ZYG11A: variants seen among roughly 807,000 people sequenced by gnomAD.
ZYG11A encodes zyg-11 family member A, cell cycle regulator.
ZYG11A carries 62 observed loss-of-function variants against 77.2 expected under a neutral mutation model. The observed-to-expected ratio is 0.80, with a 90% confidence interval of 0.65 to 0.99. The LOEUF (loss-of-function observed/expected upper bound fraction) is 0.99, where lower values mean the gene tolerates loss of function less well. Among genes scored for constraint, ZYG11A ranks in the 50% least tolerant of loss-of-function variants. ZYG11A has a pLI of 0.00. For missense variants in ZYG11A, 828 were observed against 896.8 expected, an observed-to-expected ratio of 0.92 and a Z score of 0.98; for synonymous variants, 315 against 324.6, an observed-to-expected ratio of 0.97 and a Z score of 0.32.
Position 52,877,714 on chromosome 1 carries a change from T to C in ZYG11A, c.1575T>C (p.Thr525=). 2.6e-6 allele frequency: 4 copies of C among 1,551,882 alleles called. No homozygotes were observed. The highest frequency in any genetic ancestry group is 3.5e-6 in the Non-Finnish European group (4 of 1,146,984). The change falls in exon 9 of 14, where the codon ACT becomes ACC. Residue 525 remains threonine, a synonymous_variant. Transcript: ENST00000371528. ...TAGCAATAGTAAAACAAAAGACTAC[T>C]GAGAATTTAGATGATGTCACCTTCT... The part of the protein sequence containing the change: ...ELLAIVKQKT[T]ENLDDVTFLF...
rs1645838702 is a variant in ZYG11A, at chr1:52,857,594, C to T, written c.853C>T (p.Pro285Ser). Residue 285 changes from proline (P) to serine (S), a missense_variant, in exon 3 of 14, where the codon CCC (proline) becomes TCC (serine). Pro to Ser is a moderately conservative substitution (Grantham distance 74). Transcript: ENST00000371528. ...TTTGCTACAGCAGAAGGATATCCTG[C>T]CCAATGTTGTGTCATTGGATATTTC... ...FHLLQQKDIL[P>S]NVVSLDISGG... 1 of 1,551,942 alleles carries T rather than the reference C, an allele frequency of 6.4e-7. No individual in the cohort carries two copies. The highest frequency in any genetic ancestry group is 8.7e-7 in the Non-Finnish European group (1 of 1,147,036).
chr1:52,875,642 T>A (rs1646247518), intron 8 of ZYG11A, among the ~76,000 whole-genome samples: 1 of 141,088 alleles, frequency 7.1e-6, no homozygotes, highest in African/African-American at 2.7e-5. Flanking sequence ...TGAAATCAAA[T>A]GAGGGGAGTG....
chr1:52,869,577 A>G (rs1026609595), intron 8 of ZYG11A, among the ~76,000 whole-genome samples: 2 of 151,910 alleles, frequency 1.3e-5, no homozygotes, highest in Admixed American at 1.3e-4. Context: ...TCATAGATCA[A>G]CAGGATCCCA....
chr1:52,854,376 T>C, intron 1 of ZYG11A, 89 bp from the exon 2 acceptor site: 1 of 1,204,604 alleles, frequency 8.3e-7, no homozygotes, highest in Non-Finnish European at 1.1e-6. Flanking sequence ...GATACTCTCA[T>C]CAAGTGGAAT....
At chr1:52,863,227 A>G (rs1645962932) in intron 4 of ZYG11A, among the ~76,000 whole-genome samples, 1 of 152,240 alleles carries the variant, frequency 6.6e-6, no homozygotes, top group Admixed American at 6.5e-5. Flanking sequence ...ATGACAGAGC[A>G]GGTGGGGTCT....
At chr1:52,851,751 T>A (rs1645716181) in intron 1 of ZYG11A, among the ~76,000 whole-genome samples, 1 of 151,472 alleles carries the variant, frequency 6.6e-6, no homozygotes, top group Non-Finnish European at 1.5e-5. Context: ...TTATCTTACT[T>A]ATTTTTTATT....
chr1:52,890,385 C>T (rs767250025), intron 13 of ZYG11A, among the ~76,000 whole-genome samples: 5 of 149,872 alleles, frequency 3.3e-5, no homozygotes, highest in African/African-American at 5.0e-5. Context: ...TAGGCATGCA[C>T]CACCATACCT....
chr1:52,865,933 G>GTTTT (rs35299513), intron 5 of ZYG11A, among the ~76,000 whole-genome samples: 10 of 96,764 alleles, frequency 1.0e-4, no homozygotes, highest in East Asian at 2.4e-4. Flanking sequence ...TGTAAAGGGA[G>GTTTT]TTTTTTTTTT....
At chr1:52,868,853 T>C (rs1180538799) in intron 8 of ZYG11A, among the ~76,000 whole-genome samples, 2 of 152,182 alleles carry the variant, frequency 1.3e-5, no homozygotes, top group Non-Finnish European at 2.9e-5. Context: ...CATTTTATTA[T>C]ATGAATTTTT....
intron 10 of ZYG11A, among the ~76,000 whole-genome samples, chr1:52,879,888 G>A (rs1034874891): frequency 2.0e-5 from 3 of 151,422 alleles, no homozygotes; most frequent in African/African-American, 4.9e-5. Context: ...TCAGTCTCCC[G>A]AGTAGCTGGG....
chr1:52,885,299 T>C (rs543751300), intron 11 of ZYG11A, among the ~76,000 whole-genome samples: 30 of 123,450 alleles, frequency 2.4e-4, no homozygotes, highest in Non-Finnish European at 3.6e-4. Flanking sequence ...TCTCTTCAAA[T>C]TGGTTTGTGT....
intron 10 of ZYG11A, 57 bp downstream of exon 10, chr1:52,878,026 A>G: frequency 7.1e-7 from 1 of 1,402,974 alleles, no homozygotes; most frequent in Non-Finnish European, 9.8e-7. Context: ...CCTAACACTT[A>G]TATAGTACCT....
rs932579358 is a variant in ZYG11A at position 52,842,941 on chromosome 1, C to G, written c.58C>G (p.Gln20Glu). 2.6e-6 allele frequency: 4 copies of G among 1,529,890 alleles called. No individual in the cohort carries two copies. The African/African-American group carries it at 5.7e-5, about 22-fold the overall frequency. The allele number at this position is 1,529,890 out of a possible 1,614,324, so 94.8% of individuals were successfully genotyped here. Residue 20 changes from glutamine to glutamate, a missense_variant, in exon 1 of 14, where the codon CAG becomes GAG. Gln to Glu is a conservative substitution (Grantham distance 29). Transcript: ENST00000371528. ...CCGGAACATCGTCCCTCCTGACGCT[C>G]AGAAGGATGCCCTGGGCTGCTGCGT... ...TPRNIVPPDAQKDALGCCVVQ... is the reference protein window; with the variant it reads ...TPRNIVPPDAEKDALGCCVVQ...
At chr1:52,855,100 G>A (rs1480177210) in intron 2 of ZYG11A, among the ~76,000 whole-genome samples, 4 of 151,994 alleles carry the variant, frequency 2.6e-5, no homozygotes, top group African/African-American at 9.7e-5. Flanking sequence ...GAGTTCAGAT[G>A]ATCCGTCTGC....
In ZYG11A at chr1:52,864,095, C is replaced by G. The variant is rs1645978276; in HGVS notation, c.1264C>G (p.Leu422Val). The change falls in exon 5 of 14, where the codon CTG becomes GTG. Residue 422 changes from leucine to valine, a missense_variant. Physicochemically the swap from Leu to Val is conservative, Grantham distance 32. Coordinates refer to ENST00000371528, the MANE Select transcript of ZYG11A (RefSeq NM_001004339.3). ...CCTGGCCAAGGGGATGCCTGTTCGC[C>G]TGTTGTCAGAGGTCACCTGTCTACT... is the stretch of plus-strand genomic sequence containing the variant. ...QGLAKGMPVR[L>V]LSEVTCLLFK... 6.4e-7 allele frequency: 1 copy of G among 1,551,836 alleles called. No individual in the cohort carries two copies.
At chr1:52,864,477 C>A (rs1645986545) in intron 5 of ZYG11A, among the ~76,000 whole-genome samples, 1 of 152,080 alleles carries the variant, frequency 6.6e-6, no homozygotes, top group Non-Finnish European at 1.5e-5. Context: ...AACTCCTGGC[C>A]TCATGAGCCA....
Position 52,843,059 on chromosome 1 carries a change from G to A in ZYG11A, c.90+86G>A, listed in dbSNP as rs1645481479. The A allele has an allele frequency of 6.5e-6, 8 of 1,223,078 alleles. No individual in the cohort carries two copies. The South Asian group carries it at 1.3e-4, about 19-fold the overall frequency. The allele number at this position is 1,223,078 out of a possible 1,614,324, so 75.8% of individuals were successfully genotyped here. On this transcript the variant is annotated intron_variant, in intron 1 of 13. Transcript: ENST00000371528. ...GCGGCGAGTCTCCTGGGACGCTGCC[G>A]AGGCACTTGCTGGGGAGTGTGGCCC...
intron 13 of ZYG11A, among the ~76,000 whole-genome samples, chr1:52,887,784 G>A (rs886184217): frequency 6.6e-6 from 1 of 152,010 alleles, no homozygotes; most frequent in Non-Finnish European, 1.5e-5. Context: ...CAAAGTGGAA[G>A]TATCCCTTAA....
intron 5 of ZYG11A, 67 bp downstream of exon 5, chr1:52,864,224 A>C: frequency 6.9e-7 from 1 of 1,444,510 alleles, no homozygotes; most frequent in Middle Eastern, 1.8e-4. Flanking sequence ...TCTGTTGCCC[A>C]GGCCAGAGTG....
Sources: allele counts gnomAD v4.1 joint callset (sites outside exome capture counted in the v4.1 genomes callset), GRCh38; gene constraint gnomAD v4.1.1; transcripts MANE v1.5; gene names NCBI Gene and HGNC (gene_info 2026-07-23, HGNC 2026-07-21).